Variants in ADGRE1 observed in about 807,000 individuals in gnomAD.
The protein encoded by ADGRE1 is EGF-like module receptor 1.
In ADGRE1, 82 loss-of-function variants were observed where a neutral mutation model predicts 102.7. That is an observed-to-expected ratio of 0.80 (90% CI 0.67 to 0.96). The LOEUF is 0.96. Ranked by LOEUF, ADGRE1 falls within the 40% of genes least tolerant of loss-of-function variation. The pLI, the probability that ADGRE1 is intolerant of heterozygous loss-of-function variation, is 0.00. For missense variants in ADGRE1, 1,032 were observed against 1,085.3 expected, an observed-to-expected ratio of 0.95 and a Z score of 0.69; for synonymous variants, 398 against 399.6, an observed-to-expected ratio of 1.00 and a Z score of 0.05.
At chr19:6,902,973 G>A (rs1973826497) in intron 6 of ADGRE1, among the ~76,000 whole-genome samples, 1 of 152,232 alleles carries the variant, frequency 6.6e-6, no homozygotes, top group Non-Finnish European at 1.5e-5. Flanking sequence ...TTGCCCAGGA[G>A]AGAATTCAAG....
At chr19:6,899,555 C>G (rs145503965) in intron 5 of ADGRE1, among the ~76,000 whole-genome samples, 3 of 151,948 alleles carry the variant, frequency 2.0e-5, no homozygotes, top group African/African-American at 7.3e-5. Context: ...TGGCAGGCAC[C>G]TGTAATCCCA....
At chr19:6,917,501 G>A (rs1974437966) in intron 12 of ADGRE1, among the ~76,000 whole-genome samples, 1 of 152,130 alleles carries the variant, frequency 6.6e-6, no homozygotes, top group African/African-American at 2.4e-5. Context: ...CACTTTGGGA[G>A]GTGGAGGTGG....
rs749191912 is a variant in ADGRE1 at position 6,901,948 on chromosome 19, T to C, written c.588T>C (p.Ser196=). The change falls in exon 6 of 21, where the codon TCT becomes TCC. Residue 196 remains serine (S), a synonymous_variant. Coordinates refer to ENST00000312053, the MANE Select transcript of ADGRE1 (RefSeq NM_001974.5). ...ATCNNTVGNY[S]CFCNPGFESS... is the part of the protein sequence containing the mutation. ...GTAATAACACTGTTGGAAACTACTC[T>C]TGTTTCTGCAACCCAGGATTTGAAT... The C allele has an allele frequency of 1.2e-6, 2 of 1,614,242 alleles. No homozygotes were observed. Among genetic ancestry groups the C allele is most frequent in the South Asian group, 1.1e-5 (1 of 91,088 alleles).
Position 6,940,261 on chromosome 19 carries a change from C to T in ADGRE1, c.*232C>T. 5.1e-6 allele frequency: 3 copies of T among 590,332 alleles called. No individual in the cohort carries two copies. The highest frequency in any genetic ancestry group is 6.0e-6 in the Non-Finnish European group (2 of 333,056). The allele number at this position is 590,332 out of a possible 1,614,324, so 36.6% of individuals were successfully genotyped here. ...ATTTTATCTTCGTGCTCTGCAACTT[C>T]TTCAATTCCAGAGTTTCTGAGAACA... On this transcript the variant is annotated 3_prime_UTR_variant, in exon 21 of 21. Coordinates refer to ENST00000312053, the MANE Select transcript of ADGRE1 (RefSeq NM_001974.5).
intron 1 of ADGRE1, 34 bp downstream of exon 1, chr19:6,887,673 G>T (rs1224033603): frequency 1.9e-6 from 3 of 1,600,872 alleles, no homozygotes; most frequent in Non-Finnish European, 8.5e-7. Context: ...GCTAGGGGAG[G>T]CCTGGATTGG....
intron 17 of ADGRE1, among the ~76,000 whole-genome samples, chr19:6,929,709 T>C (rs1195986131): frequency 6.6e-6 from 1 of 152,016 alleles, no homozygotes; most frequent in Admixed American, 6.6e-5. Flanking sequence ...TTAATAGAGA[T>C]GGGTTTTCAC....
intron 14 of ADGRE1, among the ~76,000 whole-genome samples, chr19:6,923,550 G>C (rs1412259551): frequency 6.6e-6 from 1 of 151,716 alleles, no homozygotes; most frequent in Admixed American, 6.6e-5. Context: ...CTTTTTTCTA[G>C]ACTGAGTTTC....
intron 20 of ADGRE1, among the ~76,000 whole-genome samples, chr19:6,939,041 C>T (rs930245389): frequency 2.0e-5 from 3 of 152,040 alleles, no homozygotes; most frequent in African/African-American, 4.8e-5. Flanking sequence ...GGTGATCCAC[C>T]TGCCTCAGCC....
At chr19:6,913,569 C>A in intron 10 of ADGRE1, 84 bp from the exon 11 acceptor site, 1 of 1,334,462 alleles carries the variant, frequency 7.5e-7, no homozygotes, top group Non-Finnish European at 1.0e-6. Flanking sequence ...GGACTCCCAG[C>A]CTATTCTTAA....
intron 10 of ADGRE1, among the ~76,000 whole-genome samples, chr19:6,910,707 G>A (rs987385975): frequency 1.3e-5 from 2 of 151,528 alleles, no homozygotes; most frequent in Non-Finnish European, 2.9e-5. Context: ...AAGTAGCTGG[G>A]ACTACAGGCG....
At chr19:6,923,006 G>A (rs1974734818) in intron 14 of ADGRE1, among the ~76,000 whole-genome samples, 1 of 152,186 alleles carries the variant, frequency 6.6e-6, no homozygotes, top group African/African-American at 2.4e-5. Flanking sequence ...GAACCCGGGA[G>A]GCAGGGCTTG....
intron 17 of ADGRE1, among the ~76,000 whole-genome samples, chr19:6,931,734 G>T (rs1041983922): frequency 1.3e-5 from 2 of 151,642 alleles, no homozygotes; most frequent in Admixed American, 6.6e-5. Context: ...GGAGGGAGAG[G>T]TTGCAGTGAG....
Position 6,901,925 on chromosome 19 carries a change from A to G in ADGRE1, c.565A>G (p.Asn189Asp). 1 of 1,614,222 alleles carries G rather than the reference A, an allele frequency of 6.2e-7. No individual in the cohort carries two copies. ...PRACPEHATCNNTVGNYSCFC... is the reference protein window; with the variant it reads ...PRACPEHATCDNTVGNYSCFC... ...AGCTTGCCCAGAGCATGCAACTTGT[A>G]ATAACACTGTTGGAAACTACTCTTG... The change falls in exon 6 of 21, where the codon AAT becomes GAT. Residue 189 changes from asparagine to aspartate, a missense_variant. Coordinates refer to ENST00000312053, the MANE Select transcript of ADGRE1 (RefSeq NM_001974.5).
chr19:6,920,143 G>A (rs1033677344), intron 13 of ADGRE1, among the ~76,000 whole-genome samples: 2 of 152,124 alleles, frequency 1.3e-5, no homozygotes, highest in African/African-American at 2.4e-5. Context: ...AGTGATGCAG[G>A]GAGGTGTGAT....
In ADGRE1 at chr19:6,926,555, G is replaced by GTGA; in HGVS notation, c.2178_2180dup (p.Val726_Ile727insMet). 12 of 1,614,196 alleles carry GTGA rather than the reference G, an allele frequency of 7.4e-6. No individual in the cohort carries two copies. Among genetic ancestry groups the GTGA allele is most frequent in the African/African-American group, 6.7e-5 (5 of 75,048 alleles). On this transcript the variant is annotated inframe_insertion, in exon 16 of 21. Coordinates refer to ENST00000312053, the MANE Select transcript of ADGRE1 (RefSeq NM_001974.5). ...TTATGGGCTGCCGATGCTGGTGGTGGTGATCTCTGCCAGTGTGCAGCCACA... is the reference window on the plus strand; with the variant it reads ...TTATGGGCTGCCGATGCTGGTGGTGGTGATGATCTCTGCCAGTGTGCAGCCACA...
intron 11 of ADGRE1, among the ~76,000 whole-genome samples, chr19:6,914,080 G>A (rs918409643): frequency 6.6e-6 from 1 of 152,252 alleles, no homozygotes; most frequent in African/African-American, 2.4e-5. Flanking sequence ...TAGCTGCTAT[G>A]TGCTGGGCTA....
In ADGRE1 at chr19:6,903,767, C is replaced by T. The variant is rs757084871; in HGVS notation, c.662-43C>T. On this transcript the variant is annotated intron_variant, in intron 6 of 20. Transcript: ENST00000312053. Reference sequence around the variant, plus strand: ...GCAAAGGGAAGCATGATTTTGTTGGCTCATTGGCCAACTTGGCTCCACACC... The same window carrying T: ...GCAAAGGGAAGCATGATTTTGTTGGTTCATTGGCCAACTTGGCTCCACACC... The T allele has an allele frequency of 4.4e-6, 7 of 1,606,888 alleles. No individual in the cohort carries two copies. The South Asian group carries it at 6.6e-5, about 15-fold the overall frequency.
At chr19:6,909,986 G>C (rs1481476491) in intron 10 of ADGRE1, among the ~76,000 whole-genome samples, 1 of 148,122 alleles carries the variant, frequency 6.8e-6, no homozygotes, top group Admixed American at 6.8e-5. Context: ...CACCTGCCTC[G>C]GCCTCCCAAA....
Position 6,935,100 on chromosome 19 carries a change from C to T in ADGRE1, c.2381+22C>T, listed in dbSNP as rs375378531. 9.5e-5 allele frequency: 140 copies of T among 1,474,934 alleles called. 1 individual carries two copies. The highest frequency in any genetic ancestry group is 1.2e-4 in the Non-Finnish European group (136 of 1,106,686). The allele number at this position is 1,474,934 out of a possible 1,614,324, so 91.4% of individuals were successfully genotyped here. On this transcript the variant is annotated intron_variant, in intron 18 of 20. Transcript: ENST00000312053. ...CCAGGTAAAGCCCTCTTTCACCTCC[C>T]CCCCTCTTTTAATTTCCTCTTTCTT...
Sources: gnomAD v4.1 joint callset for allele counts (sites outside exome capture counted in the v4.1 genomes callset) on GRCh38, gnomAD v4.1.1 for gene constraint, MANE v1.5 for transcripts, NCBI Gene and HGNC (gene_info 2026-07-23, HGNC 2026-07-21) for gene names.